The following ATP8B1 variants were observed in gnomAD, a reference collection of about 807,000 sequenced individuals.
ATP8B1 encodes the protein ATPase phospholipid transporting 8B1, also known as phospholipid-transporting ATPase IC.
A neutral mutation model predicts 149.9 loss-of-function variants in ATP8B1; 80 were observed. The observed-to-expected ratio is 0.53, with a 90% CI of 0.45 to 0.64. The LOEUF (loss-of-function observed/expected upper bound fraction) is 0.64. ATP8B1 is among the 30% of genes least tolerant of loss of function. The pLI, the probability that ATP8B1 is intolerant of heterozygous loss-of-function variation, is 0.00. For synonymous variants in ATP8B1, 536 were observed against 562.8 expected, an observed-to-expected ratio of 0.95 and a Z score of 0.67; for missense variants, 1,247 against 1,552.6, an observed-to-expected ratio of 0.80 and a Z score of 3.31.
intron 1 of ATP8B1, among the ~76,000 whole-genome samples, chr18:57,754,429 CTCTG>C (rs572806854): frequency 0.017 from 1,887 of 110,056 alleles, 39 homozygotes; most frequent in African/African-American, 0.066. Flanking sequence ...CAGAGTGAGA[CTCTG>C]TCTAACAAAA....
rs543269208 is a variant in ATP8B1, at chr18:57,796,718, C to T, written c.-26+6280G>A. On this transcript the variant is annotated intron_variant, in intron 1 of 27. Transcript: ENST00000648908. ...TTTGTTTGTTTTTGAGACAGAGTCT[C>T]GCTCTGTCACCAGGCTAGAGTGCAG... Among the ~76,000 whole-genome samples, 6 of 152,270 alleles carry T rather than the reference C, an allele frequency of 3.9e-5. No homozygotes were observed. The South Asian group carries it at 8.3e-4, about 21-fold the overall frequency.
chr18:57,699,699 C>T (rs980370661), intron 6 of ATP8B1, among the ~76,000 whole-genome samples: 9 of 151,296 alleles, frequency 5.9e-5, no homozygotes, highest in Non-Finnish European at 8.8e-5. Context: ...CCAGCCTGGG[C>T]GACAGAGCGA....
chr18:57,649,304 A>C (rs1022898505), intron 27 of ATP8B1, among the ~76,000 whole-genome samples: 1 of 151,986 alleles, frequency 6.6e-6, no homozygotes, highest in Admixed American at 6.6e-5. Context: ...CGATCTACCT[A>C]CCTACCTACC....
At chr18:57,761,097 AAAAATAAAATAAAATATAAAATAAAAT>A (rs1417252789) in intron 1 of ATP8B1, among the ~76,000 whole-genome samples, 2,593 of 96,768 alleles carry the variant, frequency 0.027, 60 homozygotes, top group Non-Finnish European at 0.036. Context: ...AAATAAAATA[AAAAATAAAATAAAATATAAAATAAAAT>A]AAAATAAAAT....
Position 57,688,347 on chromosome 18 carries a change from G to C in ATP8B1, c.1381C>G (p.Gln461Glu). Residue 461 changes from glutamine (Q) to glutamate (E), a missense_variant, in exon 13 of 28, where the codon CAA becomes GAA. Around this residue, in one of 3 missense-constraint regions of ATP8B1, gnomAD observed 853 missense variants for 1,035.7 expected, o/e 0.82. Transcript: ENST00000648908. Reference sequence around the variant, plus strand: ...CACTTTTTAAAGGTCATGATATTTTGTGTGAGTGTCCCCGTCTTATCAGAG... The same window carrying C: ...CACTTTTTAAAGGTCATGATATTTTCTGTGAGTGTCCCCGTCTTATCAGAG... Reference protein sequence around the residue: ...IFSDKTGTLTQNIMTFKKCCI... With the variant: ...IFSDKTGTLTENIMTFKKCCI... 6.2e-7 allele frequency: 1 copy of C among 1,614,148 alleles called. No homozygotes were observed. The highest frequency in any genetic ancestry group is 2.2e-5 in the East Asian group (1 of 44,870).
chr18:57,649,190 A>ATATCTACCTATCTATCTATC, intron 27 of ATP8B1, among the ~76,000 whole-genome samples: 1 of 148,216 alleles, frequency 6.7e-6, no homozygotes, highest in East Asian at 2.0e-4. Context: ...GTGCTTGGCT[A>ATATCTACCTATCTATCTATC]TATCTATCTA....
At chr18:57,733,486 C>G (rs943625804) in intron 1 of ATP8B1, among the ~76,000 whole-genome samples, 1 of 152,024 alleles carries the variant, frequency 6.6e-6, no homozygotes, top group Non-Finnish European at 1.5e-5. Flanking sequence ...GTGGGCGGAT[C>G]ACGAGGTCAG....
chr18:57,672,907 T>TC (rs1568189219), intron 16 of ATP8B1, among the ~76,000 whole-genome samples: 6 of 71,706 alleles, frequency 8.4e-5, no homozygotes, highest in Non-Finnish European at 1.4e-4. Context: ...TATATATATA[T>TC]ATATATATAT....
intron 1 of ATP8B1, among the ~76,000 whole-genome samples, chr18:57,794,938 T>C (rs2080498501): frequency 6.6e-6 from 1 of 152,224 alleles, no homozygotes; most frequent in Admixed American, 6.5e-5. Flanking sequence ...GCATTCTTAT[T>C]TCCATGCTAC....
In ATP8B1 at chr18:57,800,853, A is replaced by G. The variant is rs560041160; in HGVS notation, c.-26+2145T>C. On this transcript the variant is annotated intron_variant, in intron 1 of 27. Coordinates refer to ENST00000648908, the MANE Select transcript of ATP8B1 (RefSeq NM_001374385.1). Reference sequence around the variant, plus strand: ...TGCTTCAAAAGGATGGAAAAGAAAGAGGAAAGAGGAATGGACGGAAGGAAA... The same window carrying G: ...TGCTTCAAAAGGATGGAAAAGAAAGGGGAAAGAGGAATGGACGGAAGGAAA... Among the ~76,000 whole-genome samples the G allele has an allele frequency of 3.3e-5, 5 of 152,328 alleles. No homozygotes were observed. In the East Asian group the frequency reaches 9.6e-4, roughly 29 times the overall value.
intron 2 of ATP8B1, among the ~76,000 whole-genome samples, chr18:57,710,564 T>C (rs1315379891): frequency 6.6e-6 from 1 of 150,986 alleles, no homozygotes; most frequent in Admixed American, 6.6e-5. Flanking sequence ...AACAAGTAGA[T>C]AAAAAGTCCA....
At chr18:57,761,119 TAAAATAAA>T (rs2080152863) in intron 1 of ATP8B1, among the ~76,000 whole-genome samples, 1 of 46,740 alleles carries the variant, frequency 2.1e-5, no homozygotes, top group African/African-American at 6.5e-5. Flanking sequence ...AAATATAAAA[TAAAATAAA>T]ATAAAATAAA....
chr18:57,764,464 G>A (rs2080190420), intron 1 of ATP8B1, among the ~76,000 whole-genome samples: 1 of 148,906 alleles, frequency 6.7e-6, no homozygotes, highest in Non-Finnish European at 1.5e-5. Flanking sequence ...TGTAGCCCAG[G>A]CTGGAGTGCA....
rs71365351 is a variant in ATP8B1, at chr18:57,732,291, A to G, written c.-25-459T>C. On this transcript the variant is annotated intron_variant, in intron 1 of 27. Coordinates refer to ENST00000648908, the MANE Select transcript of ATP8B1 (RefSeq NM_001374385.1). ...TATATGTATATATGTGTATATATGT[A>G]TATATATGTGTATATATGTGTGTAT... Among the ~76,000 whole-genome samples the G allele has an allele frequency of 1.8e-3, 12 of 6,676 alleles. 1 individual carries two copies. Among genetic ancestry groups the G allele is most frequent in the African/African-American group, 6.8e-3 (10 of 1,460 alleles). The allele number at this position is 6,676 out of a possible 152,430, so 4.4% of individuals were successfully genotyped here. A position where few individuals can be genotyped will look rare whatever the true frequency, so the allele number is the denominator to read the frequency against.
chr18:57,799,636 G>A (rs182052794), intron 1 of ATP8B1, among the ~76,000 whole-genome samples: 80 of 149,426 alleles, frequency 5.4e-4, no homozygotes, highest in Admixed American at 1.4e-3. Flanking sequence ...TTGAACCAGC[G>A]AAGAGGAGGT....
chr18:57,655,282 C>A lies in ATP8B1; in HGVS notation c.2843G>T (p.Cys948Phe), dbSNP rs753812875. ...VHGRWSYIRM[C>F]KFLRYFFYKN... is the part of the protein sequence containing the mutation. ...GTAAAAGAAGTATCGTAGGAACTTG[C>A]ACATCCTTATGTAAGACCATCGGCC... The change falls in exon 23 of 28, where the codon TGC becomes TTC. Residue 948 changes from cysteine (C) to phenylalanine (F), a missense_variant. By Grantham distance (205) the Cys-to-Phe change is radical. Around this residue, in one of 3 missense-constraint regions of ATP8B1, gnomAD observed 230 missense variants for 356.6 expected, o/e 0.65. Coordinates refer to ENST00000648908, the MANE Select transcript of ATP8B1 (RefSeq NM_001374385.1). 6.2e-7 allele frequency: 1 copy of A among 1,614,168 alleles called. No individual in the cohort carries two copies. Among genetic ancestry groups the A allele is most frequent in the Non-Finnish European group, 8.5e-7 (1 of 1,180,002 alleles).
intron 8 of ATP8B1, among the ~76,000 whole-genome samples, chr18:57,696,827 G>A (rs1912842270): frequency 6.6e-6 from 1 of 152,184 alleles, no homozygotes; most frequent in African/African-American, 2.4e-5. Context: ...GATTAAATGA[G>A]CTAATATGTA....
chr18:57,791,556 C>G (rs1346137613), intron 1 of ATP8B1, among the ~76,000 whole-genome samples: 3 of 151,972 alleles, frequency 2.0e-5, no homozygotes, highest in Admixed American at 6.6e-5. Context: ...GTTGGCCAGG[C>G]TGGTCTTGAA....
chr18:57,694,874 A>G (rs1912723926), intron 10 of ATP8B1, among the ~76,000 whole-genome samples: 1 of 152,094 alleles, frequency 6.6e-6, no homozygotes, highest in South Asian at 2.1e-4. Context: ...TACTAAAAAT[A>G]CAAAAATTAT....
Sources: gnomAD v4.1 joint callset for allele counts (sites outside exome capture counted in the v4.1 genomes callset) on GRCh38, gnomAD v4.1.1 for gene constraint, gnomAD v4.1.1 regional missense constraint, MANE v1.5 for transcripts, NCBI Gene and HGNC (gene_info 2026-07-23, HGNC 2026-07-21) for gene names.